Variants in COL15A1 observed in about 807,000 individuals in gnomAD.
The protein encoded by COL15A1 is collagen alpha-1(XV) chain.
A neutral mutation model predicts 165.9 loss-of-function variants in COL15A1; 111 were observed. That is an observed-to-expected ratio of 0.67 (90% CI 0.57 to 0.78). The LOEUF (loss-of-function observed/expected upper bound fraction) is 0.78, where lower values mean the gene tolerates loss of function less well. Among genes scored for constraint, COL15A1 ranks in the 30% least tolerant of loss-of-function variants. COL15A1 has a pLI of 0.00. For missense variants in COL15A1, 1,745 were observed against 1,789.7 expected (o/e 0.98, Z 0.45); for synonymous variants, 659 against 674.8 (o/e 0.98, Z 0.36).
Position 98,987,353 on chromosome 9 carries a change from C to A in COL15A1, c.708C>A (p.Asp236Glu). The A allele has an allele frequency of 6.2e-7, 1 of 1,612,576 alleles. No individual in the cohort carries two copies. The highest frequency in any genetic ancestry group is 1.3e-5 in the African/African-American group (1 of 74,904). The change falls in exon 4 of 42, where the codon GAC becomes GAA. Residue 236 changes from aspartate (D) to glutamate (E), a missense_variant. By Grantham distance (45) the Asp-to-Glu change is conservative (BLOSUM62 2). Transcript: ENST00000375001. ...PDPRTPEELC[D>E]PEESSASGET... ...CCAGGACTCCCGAGGAGCTGTGTGACCCTGAAGAGTCCTCGGTGAGCTCCC... is the reference window on the plus strand; with the variant it reads ...CCAGGACTCCCGAGGAGCTGTGTGAACCTGAAGAGTCCTCGGTGAGCTCCC...
At chr9:98,965,098 C>T (rs937256439) in intron 2 of COL15A1, among the ~76,000 whole-genome samples, 4 of 152,122 alleles carry the variant, frequency 2.6e-5, no homozygotes, top group South Asian at 2.1e-4. Flanking sequence ...GCCTTCGCAC[C>T]ACATTCCAGA....
At chr9:98,959,631 T>G (rs935558403) in intron 2 of COL15A1, among the ~76,000 whole-genome samples, 4 of 152,130 alleles carry the variant, frequency 2.6e-5, no homozygotes, top group African/African-American at 9.7e-5. Context: ...CCCTGCAATG[T>G]CTGTTGCATG....
chr9:99,064,111 AC>A lies in COL15A1; in HGVS notation c.3651+1006del, dbSNP rs149655565. 9.9e-3 allele frequency among the ~76,000 whole-genome samples: 1,504 copies of A among 151,898 alleles called. 27 individuals carry two copies. Among genetic ancestry groups the A allele is most frequent in the African/African-American group, 0.035 (1,451 of 41,374 alleles). ...AAGGGTCTTTCTTCCTCCCAACCTC[AC>A]CCCAAAACACATATATAGGTGACAT... is the stretch of plus-strand genomic sequence containing the variant. On this transcript the variant is annotated intron_variant, in intron 39 of 41. Coordinates refer to ENST00000375001, the MANE Select transcript of COL15A1 (RefSeq NM_001855.5).
intron 9 of COL15A1, among the ~76,000 whole-genome samples, chr9:99,007,258 A>G (rs1838778409): frequency 6.6e-6 from 1 of 152,208 alleles, no homozygotes; most frequent in Admixed American, 6.5e-5. Flanking sequence ...TTCCTTAAGG[A>G]CAAATTGTGA....
At chr9:99,055,650 C>T (rs1588536652) in intron 34 of COL15A1, among the ~76,000 whole-genome samples, 1 of 152,178 alleles carries the variant, frequency 6.6e-6, no homozygotes, top group South Asian at 2.1e-4. Context: ...TCACTCCACA[C>T]AAAGAATGAT....
chr9:98,972,899 G>T (rs1461709968), intron 2 of COL15A1, among the ~76,000 whole-genome samples: 2 of 152,218 alleles, frequency 1.3e-5, no homozygotes, highest in East Asian at 1.9e-4. Flanking sequence ...GGCTGTAACA[G>T]GCAGAGCCCA....
chr9:99,031,539 T>C (rs559472378), intron 16 of COL15A1, among the ~76,000 whole-genome samples: 6 of 152,344 alleles, frequency 3.9e-5, no homozygotes, highest in African/African-American at 1.4e-4. Context: ...TTGCCTATTG[T>C]GTGCAGGCAG....
At chr9:99,019,103 A>C (rs1838984696) in intron 11 of COL15A1, among the ~76,000 whole-genome samples, 1 of 152,226 alleles carries the variant, frequency 6.6e-6, no homozygotes, top group African/African-American at 2.4e-5. Context: ...ATGAACTCAG[A>C]TGAATGCCCC....
At chr9:99,044,831 G>T (rs894032295) in intron 26 of COL15A1, 61 bp downstream of exon 26, 11 of 1,443,962 alleles carry the variant, frequency 7.6e-6, no homozygotes, top group South Asian at 1.2e-5. Context: ...TTCATACTTT[G>T]ATTTGGTTAG....
In COL15A1 at chr9:99,055,337, G is replaced by T. The variant is rs1280401934; in HGVS notation, c.3157G>T (p.Gly1053Trp). 1.2e-6 allele frequency: 2 copies of T among 1,613,580 alleles called. No homozygotes were observed. The highest frequency in any genetic ancestry group is 1.7e-6 in the Non-Finnish European group (2 of 1,179,620). The stretch of plus-strand genomic sequence containing the variant: ...CATTAATGGCAGCTTCCTTATGTCT[G>T]GGCCTCCAGGCCTGCCCGGAAATCC... Reference protein sequence around the residue: ...GDINGSFLMSGPPGLPGNPGP... With the variant: ...GDINGSFLMSWPPGLPGNPGP... Residue 1053 changes from glycine to tryptophan, a missense_variant, in exon 34 of 42, where the codon GGG becomes TGG. Transcript: ENST00000375001.
rs1838919233 is a variant in COL15A1, at chr9:99,015,622, T to C, written c.1503+56T>C. ...ACAGGGGAGAGACAGGTCTGCATCA[T>C]GCGACAACAGTCATCCTTGGCCTTG... On this transcript the variant is annotated intron_variant, in intron 10 of 41. Coordinates refer to ENST00000375001, the MANE Select transcript of COL15A1 (RefSeq NM_001855.5). The C allele has an allele frequency of 1.9e-6, 3 of 1,549,536 alleles. No individual in the cohort carries two copies. In the South Asian group the frequency reaches 3.4e-5, roughly 18 times the overall value.
At chr9:99,012,628 A>G (rs947822419) in intron 9 of COL15A1, among the ~76,000 whole-genome samples, 1 of 152,068 alleles carries the variant, frequency 6.6e-6, no homozygotes, top group African/African-American at 2.4e-5. Flanking sequence ...AAGAGGCACC[A>G]TAAAACCAAC....
intron 22 of COL15A1, among the ~76,000 whole-genome samples, chr9:99,039,799 T>C (rs1455051987): frequency 6.6e-6 from 1 of 152,216 alleles, no homozygotes; most frequent in East Asian, 1.9e-4. Context: ...AAGTGAGGGA[T>C]GTGAAACTGC....
rs10988565 is a variant in COL15A1 at position 99,019,192 on chromosome 9, G to A, written c.1648-1197G>A. 8.7e-3 allele frequency among the ~76,000 whole-genome samples: 1,330 copies of A among 152,048 alleles called. 8 individuals are homozygous for A. The highest frequency in any genetic ancestry group is 0.014 in the Non-Finnish European group (933 of 67,930). ...GGATATCTCTAGGATCAGTTTTTTT[G>A]TTTCTGTTTTTGTTTTCTTGAGACA... On this transcript the variant is annotated intron_variant, in intron 11 of 41. Transcript: ENST00000375001.
chr9:99,005,205 T>G (rs925028523), intron 9 of COL15A1, among the ~76,000 whole-genome samples, 155 bp downstream of exon 9: 1 of 152,050 alleles, frequency 6.6e-6, no homozygotes, highest in Non-Finnish European at 1.5e-5. Context: ...TGCCAAGGCC[T>G]GGGTGAGTGT....
At position 98,985,699 on chromosome 9, in the gene COL15A1, G is replaced by T. The variant is rs765895796; in HGVS notation, c.235G>T (p.Ala79Ser). Residue 79 changes from alanine (A) to serine (S), a missense_variant, in exon 3 of 42, where the codon GCC (alanine) becomes TCC (serine). Transcript: ENST00000375001. ...GCCTGGTGCCAATGTTGGCCGCCCA[G>T]CCAGGACTCTCATCCCATCCACCTT... ...FGPGANVGRP[A>S]RTLIPSTFFR... 3.2e-5 allele frequency: 52 copies of T among 1,614,108 alleles called. No individual in the cohort carries two copies. Among genetic ancestry groups the T allele is most frequent in the Non-Finnish European group, 4.4e-5 (52 of 1,180,058 alleles).
In COL15A1 at chr9:99,066,976, C is replaced by G; in HGVS notation, c.3746C>G (p.Thr1249Ser). Reference sequence around the variant, plus strand: ...GCCAGAGCTGCAGGACTGTTGTCCACCTACCGAGCATTCTTATCTTCCCAT... The same window carrying G: ...GCCAGAGCTGCAGGACTGTTGTCCAGCTACCGAGCATTCTTATCTTCCCAT... ...KQARAAGLLS[T>S]YRAFLSSHLQ... The change falls in exon 40 of 42, where the codon ACC becomes AGC. Residue 1249 changes from threonine to serine, a missense_variant. Transcript: ENST00000375001. 6.2e-7 allele frequency: 1 copy of G among 1,614,164 alleles called. No homozygotes were observed. Among genetic ancestry groups the G allele is most frequent in the African/African-American group, 1.3e-5 (1 of 75,044 alleles).
chr9:99,065,071 A>T (rs893984887), intron 39 of COL15A1, among the ~76,000 whole-genome samples: 1 of 152,258 alleles, frequency 6.6e-6, no homozygotes, highest in African/African-American at 2.4e-5. Flanking sequence ...CAATATAAAA[A>T]TGTTGTCATT....
intron 16 of COL15A1, 50 bp downstream of exon 16, chr9:99,026,016 A>T (rs1452757854): frequency 6.5e-7 from 1 of 1,544,922 alleles, no homozygotes; most frequent in African/African-American, 1.4e-5. Context: ...CCAGGCCCAC[A>T]CTACTCTCTC....
Sources: allele counts gnomAD v4.1 joint callset (sites outside exome capture counted in the v4.1 genomes callset), GRCh38; gene constraint gnomAD v4.1.1; transcripts MANE v1.5; gene names NCBI Gene and HGNC (gene_info 2026-07-23, HGNC 2026-07-21).